The following VAT1L variants were observed in gnomAD, a reference collection of about 807,000 sequenced individuals.
The protein encoded by VAT1L is vesicle amine transport 1 like.
A neutral mutation model predicts 44.1 loss-of-function variants in VAT1L; 34 were observed. That is an observed-to-expected ratio of 0.77 (90% CI 0.59 to 1.03). The LOEUF is 1.03. Among genes scored for constraint, VAT1L ranks in the 50% least tolerant of loss-of-function variants. The pLI is 0.00. For synonymous variants in VAT1L, 253 were observed against 202.2 expected (o/e 1.25, Z -2.13); for missense variants, 615 against 538.8 (o/e 1.14, Z -1.40).
chr16:77,899,344 C>T (rs576248119), intron 7 of VAT1L, among the ~76,000 whole-genome samples: 6 of 152,308 alleles, frequency 3.9e-5, no homozygotes, highest in South Asian at 2.1e-4. Context: ...CTGGTTGCCC[C>T]GTCAGGCATC....
chr16:77,968,185 G>T (rs2018243108), intron 7 of VAT1L, among the ~76,000 whole-genome samples: 1 of 152,048 alleles, frequency 6.6e-6, no homozygotes. Flanking sequence ...CAGCTTAGTT[G>T]GTCCTTTGAT....
chr16:77,946,279 C>CTTTTCTTTTTT (rs1555521583), intron 7 of VAT1L, among the ~76,000 whole-genome samples: 1 of 70,428 alleles, frequency 1.4e-5, no homozygotes, highest in East Asian at 6.1e-4. Context: ...GTTACTTGTT[C>CTTTTCTTTTTT]TTTTTTTTTT....
At chr16:77,965,572 C>T (rs974882854) in intron 7 of VAT1L, among the ~76,000 whole-genome samples, 2 of 152,226 alleles carry the variant, frequency 1.3e-5, no homozygotes, top group East Asian at 1.9e-4. Context: ...AATCCAGAAT[C>T]CCAGCCCTGG....
At chr16:77,872,550 C>A (rs1367070027) in intron 4 of VAT1L, among the ~76,000 whole-genome samples, 1 of 152,120 alleles carries the variant, frequency 6.6e-6, no homozygotes, top group South Asian at 2.1e-4. Flanking sequence ...GGTCCAACTC[C>A]CACCTGCCTC....
intron 7 of VAT1L, among the ~76,000 whole-genome samples, chr16:77,954,295 A>G (rs1178112166): frequency 1.3e-5 from 2 of 152,158 alleles, no homozygotes; most frequent in Non-Finnish European, 2.9e-5. Flanking sequence ...AGGATATTTA[A>G]GTCAAGTGTT....
At chr16:77,893,850 G>C (rs188227176) in intron 7 of VAT1L, among the ~76,000 whole-genome samples, 215 of 152,290 alleles carry the variant, frequency 1.4e-3, no homozygotes, top group African/African-American at 5.1e-3. Flanking sequence ...AAGGTATAAT[G>C]AATAAACTCA....
Position 77,920,732 on chromosome 16 carries a change from C to T in VAT1L, c.1077+35930C>T, listed in dbSNP as rs1006438157. On this transcript the variant is annotated intron_variant, in intron 7 of 8. Coordinates refer to ENST00000302536, the MANE Select transcript of VAT1L (RefSeq NM_020927.3). ...CATGCTTACCATTGGGTTACAATTG[C>T]TTACAGTATTCAGTCCAGTAACATG... Among the ~76,000 whole-genome samples, 4 of 152,118 alleles carry T rather than the reference C, an allele frequency of 2.6e-5. No individual in the cohort carries two copies. In the East Asian group the frequency reaches 5.8e-4, roughly 22 times the overall value.
In VAT1L at chr16:77,977,871, T is replaced by A. The variant is rs533923973; in HGVS notation, c.*176T>A. 3.2e-6 allele frequency: 2 copies of A among 616,514 alleles called. No individual in the cohort carries two copies. The highest frequency in any genetic ancestry group is 2.6e-5 in the Admixed American group (1 of 38,692). The allele number at this position is 616,514 out of a possible 1,614,324, so 38.2% of individuals were successfully genotyped here. On this transcript the variant is annotated 3_prime_UTR_variant, in exon 9 of 9. Transcript: ENST00000302536. ...GTTGTTTTTTGAAGTGCCAATCCCA[T>A]GCCATGCAGTATTATGTCCCTCTCC... is the stretch of plus-strand genomic sequence containing the variant.
At chr16:77,934,817 G>T (rs1048236722) in intron 7 of VAT1L, among the ~76,000 whole-genome samples, 3 of 152,110 alleles carry the variant, frequency 2.0e-5, no homozygotes, top group Non-Finnish European at 2.9e-5. Flanking sequence ...TAACAAGCAG[G>T]AAGTACCAAT....
intron 6 of VAT1L, among the ~76,000 whole-genome samples, chr16:77,880,072 C>T (rs912432327): frequency 4.6e-5 from 7 of 152,152 alleles, no homozygotes; most frequent in Admixed American, 6.5e-5. Context: ...CATTGCAAAG[C>T]GACATCCCTG....
In VAT1L at chr16:77,833,263, A is replaced by G. The variant is rs539881738; in HGVS notation, c.579+7802A>G. Among the ~76,000 whole-genome samples, 3 of 152,360 alleles carry G rather than the reference A, an allele frequency of 2.0e-5. No homozygotes were observed. In the East Asian group the frequency reaches 5.8e-4, roughly 29 times the overall value. ...TGATGGGCGTATAAATCAAATAGTCACATGGATAACTTTGCCAAGTGCTAC... is the reference window on the plus strand; with the variant it reads ...TGATGGGCGTATAAATCAAATAGTCGCATGGATAACTTTGCCAAGTGCTAC... On this transcript the variant is annotated intron_variant, in intron 3 of 8. Transcript: ENST00000302536.
At chr16:77,960,527 G>C (rs994517847) in intron 7 of VAT1L, among the ~76,000 whole-genome samples, 7 of 152,190 alleles carry the variant, frequency 4.6e-5, no homozygotes, top group Non-Finnish European at 8.8e-5. Flanking sequence ...TAGTTGTGAA[G>C]AGGCATAGCT....
intron 3 of VAT1L, among the ~76,000 whole-genome samples, chr16:77,840,543 T>G (rs933246024): frequency 1.3e-5 from 2 of 152,244 alleles, no homozygotes; most frequent in African/African-American, 4.8e-5. Context: ...TTTTATTTTG[T>G]ATCCATAAAA....
At position 77,806,133 on chromosome 16, in the gene VAT1L, G is replaced by A. The variant is rs191636322; in HGVS notation, c.234-10788G>A. ...CTGCCTTGGCCTCCCAAAGTGCTGGGATTACAGGCCTGAGCCACAGCACCC... is the reference window on the plus strand; with the variant it reads ...CTGCCTTGGCCTCCCAAAGTGCTGGAATTACAGGCCTGAGCCACAGCACCC... On this transcript the variant is annotated intron_variant, in intron 1 of 8. Transcript: ENST00000302536. Among the ~76,000 whole-genome samples the A allele has an allele frequency of 4.2e-3, 635 of 151,984 alleles. 7 individuals are homozygous for A. Among genetic ancestry groups the A allele is most frequent in the African/African-American group, 0.015 (609 of 41,496 alleles).
rs57007828 is a variant in VAT1L, at chr16:77,886,734, A to G, written c.1077+1932A>G. Reference sequence around the variant, plus strand: ...ATAAGCAAGGTAGCTGCCTGTCGTAATAAGTTCTTAGAAAGAGATAAATTT... The same window carrying G: ...ATAAGCAAGGTAGCTGCCTGTCGTAGTAAGTTCTTAGAAAGAGATAAATTT... On this transcript the variant is annotated intron_variant, in intron 7 of 8. Coordinates refer to ENST00000302536, the MANE Select transcript of VAT1L (RefSeq NM_020927.3). Among the ~76,000 whole-genome samples the G allele has an allele frequency of 2.4e-3, 368 of 152,334 alleles. 2 individuals carry two copies. Among genetic ancestry groups the G allele is most frequent in the African/African-American group, 8.6e-3 (359 of 41,580 alleles).
rs148323338 is a variant in VAT1L at position 77,860,623 on chromosome 16, G to T, written c.580-2125G>T. On this transcript the variant is annotated intron_variant, in intron 3 of 8. Coordinates refer to ENST00000302536, the MANE Select transcript of VAT1L (RefSeq NM_020927.3). Reference sequence around the variant, plus strand: ...GGTTATCTCAAGCGCTGTCCATAAGGAGCTATAACTATGACATATCTGAGG... The same window carrying T: ...GGTTATCTCAAGCGCTGTCCATAAGTAGCTATAACTATGACATATCTGAGG... Among the ~76,000 whole-genome samples the T allele has an allele frequency of 2.6e-5, 4 of 152,318 alleles. No homozygotes were observed. In the East Asian group the frequency reaches 7.7e-4, roughly 29 times the overall value.
chr16:77,904,245 G>A (rs2017416578), intron 7 of VAT1L, among the ~76,000 whole-genome samples: 1 of 148,032 alleles, frequency 6.8e-6, no homozygotes, highest in African/African-American at 2.5e-5. Flanking sequence ...TGTCTGTTCT[G>A]AGGTTTCATT....
At chr16:77,800,485 A>C (rs2966070) in intron 1 of VAT1L, 113,553 of 152,090 alleles carry the variant, frequency 0.75, 42,653 homozygotes, top group Admixed American at 0.79. Flanking sequence ...GGTATCAGGC[A>C]CCCCAAACTG....
chr16:77,868,006 T>C (rs1483684944), intron 4 of VAT1L, among the ~76,000 whole-genome samples: 1 of 152,202 alleles, frequency 6.6e-6, no homozygotes, highest in Non-Finnish European at 1.5e-5. Context: ...AGTTACATCC[T>C]TGTAAACTCA....
Sources: allele counts gnomAD v4.1 joint callset (sites outside exome capture counted in the v4.1 genomes callset), GRCh38; gene constraint gnomAD v4.1.1; transcripts MANE v1.5; gene names NCBI Gene and HGNC (gene_info 2026-07-23, HGNC 2026-07-21).